CPA6: variants seen among roughly 807,000 people sequenced by gnomAD.
The protein encoded by CPA6 is carboxypeptidase B.
Under a neutral mutation model 63.3 loss-of-function variants are expected in CPA6, and 58 were observed. That is an observed-to-expected ratio of 0.92 (90% CI 0.74 to 1.14). CPA6 has a LOEUF of 1.14. CPA6 is among the 50% of genes most tolerant of loss of function. The pLI, the probability that CPA6 is intolerant of heterozygous loss-of-function variation, is 0.00. For synonymous variants in CPA6, 185 were observed against 179.0 expected (o/e 1.03, Z -0.27); for missense variants, 565 against 526.6 (o/e 1.07, Z -0.71).
intron 2 of CPA6, among the ~76,000 whole-genome samples, chr8:67,554,306 G>A (rs1813012352): frequency 6.6e-6 from 1 of 152,134 alleles, no homozygotes; most frequent in Non-Finnish European, 1.5e-5. Flanking sequence ...GAAGGTGAAG[G>A]GGGAGCTGGT....
chr8:67,629,200 A>T (rs1815262476), intron 1 of CPA6, among the ~76,000 whole-genome samples: 1 of 152,030 alleles, frequency 6.6e-6, no homozygotes, highest in South Asian at 2.1e-4. Flanking sequence ...GGGTGTGGTG[A>T]CTCATACCTG....
chr8:67,449,681 G>A (rs139400508), intron 8 of CPA6, among the ~76,000 whole-genome samples: 1 of 152,118 alleles, frequency 6.6e-6, no homozygotes, highest in African/African-American at 2.4e-5. Flanking sequence ...TTTTCAGATG[G>A]TCTTCTCAGA....
chr8:67,510,916 T>G (rs1006361061), intron 4 of CPA6, among the ~76,000 whole-genome samples: 1 of 152,160 alleles, frequency 6.6e-6, no homozygotes, highest in Non-Finnish European at 1.5e-5. Context: ...TATGGGGGCA[T>G]GTAATTCACT....
Position 67,634,283 on chromosome 8 carries a change from T to G in CPA6, c.117-10032A>C, listed in dbSNP as rs562901141. On this transcript the variant is annotated intron_variant, in intron 1 of 10. Coordinates refer to ENST00000297770, the MANE Select transcript of CPA6 (RefSeq NM_020361.5). ...CGCCCAGGCTGGAGTGCAGTGGCACTATCTCGGCTCACTACAAGCTCCGCC... is the reference window on the plus strand; with the variant it reads ...CGCCCAGGCTGGAGTGCAGTGGCACGATCTCGGCTCACTACAAGCTCCGCC... Among the ~76,000 whole-genome samples, 210 of 148,196 alleles carry G rather than the reference T, an allele frequency of 1.4e-3. 1 individual carries two copies. The highest frequency in any genetic ancestry group is 5.0e-3 in the African/African-American group (191 of 38,538).
At chr8:67,539,099 T>C (rs1444015590) in intron 2 of CPA6, among the ~76,000 whole-genome samples, 1 of 152,244 alleles carries the variant, frequency 6.6e-6, no homozygotes, top group Non-Finnish European at 1.5e-5. Flanking sequence ...ATGTTGATGG[T>C]CTTTACATTT....
At chr8:67,668,999 G>T (rs1816288909) in intron 1 of CPA6, among the ~76,000 whole-genome samples, 1 of 152,192 alleles carries the variant, frequency 6.6e-6, no homozygotes, top group African/African-American at 2.4e-5. Flanking sequence ...AGTCATGGGA[G>T]AATGTTGAGT....
chr8:67,678,225 T>TCACACACACACACACA lies in CPA6; in HGVS notation c.117-53975_117-53974insTGTGTGTGTGTGTGTG, dbSNP rs200034998. On this transcript the variant is annotated intron_variant, in intron 1 of 10. Transcript: ENST00000297770. The stretch of plus-strand genomic sequence containing the variant: ...CCTGGGAGATAATTGTAAAACTCTG[T>TCACACACACACACACA]CTCACACACACACACACACACACAC... 1.3e-3 allele frequency among the ~76,000 whole-genome samples: 192 copies of TCACACACACACACACA among 143,044 alleles called. 1 individual carries two copies. The highest frequency in any genetic ancestry group is 2.7e-3 in the African/African-American group (101 of 37,712). The allele number at this position is 143,044 out of a possible 152,430, so 93.8% of individuals were successfully genotyped here.
rs367656163 is a variant in CPA6, at chr8:67,630,342, C to T, written c.117-6091G>A. On this transcript the variant is annotated intron_variant, in intron 1 of 10. Transcript: ENST00000297770. ...ATGCTGATGAACCTAACAGGTGCAG[C>T]TTTGGGATGTGGGGGGAAACTGAGT... is the stretch of plus-strand genomic sequence containing the variant. 6.6e-5 allele frequency among the ~76,000 whole-genome samples: 10 copies of T among 152,042 alleles called. 1 individual carries two copies. Among genetic ancestry groups the T allele is most frequent in the Admixed American group, 2.6e-4 (4 of 15,266 alleles).
chr8:67,647,846 T>C (rs1248840373), intron 1 of CPA6, among the ~76,000 whole-genome samples: 4 of 152,286 alleles, frequency 2.6e-5, no homozygotes, highest in Admixed American at 2.6e-4. Flanking sequence ...GGCCATTATA[T>C]GTTCTTCAAG....
intron 2 of CPA6, among the ~76,000 whole-genome samples, chr8:67,552,623 A>T (rs1028526251): frequency 2.0e-5 from 3 of 151,960 alleles, no homozygotes; most frequent in Non-Finnish European, 2.9e-5. Context: ...AATACAAAAA[A>T]TTAGCTGGAC....
chr8:67,591,915 A>T (rs2128981130), intron 2 of CPA6, among the ~76,000 whole-genome samples: 1 of 152,332 alleles, frequency 6.6e-6, no homozygotes, highest in South Asian at 2.1e-4. Context: ...CAGAACTTCC[A>T]ACACTATGTT....
chr8:67,542,999 A>G (rs1327618613), intron 2 of CPA6, among the ~76,000 whole-genome samples: 1 of 152,204 alleles, frequency 6.6e-6, no homozygotes, highest in Non-Finnish European at 1.5e-5. Context: ...TAGTATTTGT[A>G]GTATTCGTTA....
rs1406975430 is a variant in CPA6, at chr8:67,434,100, C to G, written c.979G>C (p.Ala327Pro). 1 of 1,613,850 alleles carries G rather than the reference C, an allele frequency of 6.2e-7. No individual in the cohort carries two copies. Among genetic ancestry groups the G allele is most frequent in the South Asian group, 1.1e-5 (1 of 91,064 alleles). Residue 327 changes from alanine (A) to proline (P), a missense_variant, in exon 9 of 11, where the codon GCT becomes CCT. Ala to Pro is a conservative substitution (Grantham distance 27). Coordinates refer to ENST00000297770, the MANE Select transcript of CPA6 (RefSeq NM_020361.5). The part of the protein sequence containing the change: ...IRAYLSFHAY[A>P]QMLLYPYSYK... Reference sequence around the variant, plus strand: ...GAATAGGGATACAGTAACATCTGAGCATATGCATGAAAGGAGAGATAAGCC... The same window carrying G: ...GAATAGGGATACAGTAACATCTGAGGATATGCATGAAAGGAGAGATAAGCC...
intron 1 of CPA6, among the ~76,000 whole-genome samples, chr8:67,626,306 C>A (rs1253559622): frequency 3.3e-5 from 5 of 152,126 alleles, no homozygotes; most frequent in African/African-American, 9.7e-5. Context: ...ACTTGCTGGG[C>A]AATGATTTTT....
intron 1 of CPA6, among the ~76,000 whole-genome samples, chr8:67,743,870 G>T (rs1270414375): frequency 6.6e-6 from 1 of 152,084 alleles, no homozygotes; most frequent in Non-Finnish European, 1.5e-5. Context: ...TTACATGAAT[G>T]CAAGAACTAG....
At chr8:67,721,180 AC>A (rs1367274803) in intron 1 of CPA6, among the ~76,000 whole-genome samples, 1 of 152,308 alleles carries the variant, frequency 6.6e-6, no homozygotes, top group African/African-American at 2.4e-5. Context: ...AAAGCTGAGC[AC>A]TCTGGCTACG....
intron 2 of CPA6, among the ~76,000 whole-genome samples, chr8:67,519,505 A>C (rs1232101732): frequency 6.6e-6 from 1 of 152,216 alleles, no homozygotes; most frequent in Admixed American, 6.5e-5. Context: ...AAGACCAAAA[A>C]TACTTTGTGA....
At chr8:67,527,748 T>C (rs919802234) in intron 2 of CPA6, among the ~76,000 whole-genome samples, 3 of 152,234 alleles carry the variant, frequency 2.0e-5, no homozygotes, top group Non-Finnish European at 4.4e-5. Context: ...AACTATTCCA[T>C]TTTTAAAAAG....
chr8:67,621,700 G>A (rs755910141), intron 2 of CPA6, among the ~76,000 whole-genome samples: 1 of 152,318 alleles, frequency 6.6e-6, no homozygotes, highest in South Asian at 2.1e-4. Flanking sequence ...TGTGTGGAGT[G>A]TAGAGCACAG....
Sources: gnomAD v4.1 joint callset for allele counts (sites outside exome capture counted in the v4.1 genomes callset) on GRCh38, gnomAD v4.1.1 for gene constraint, MANE v1.5 for transcripts, NCBI Gene and HGNC (gene_info 2026-07-23, HGNC 2026-07-21) for gene names.